Variants in FOCAD observed in about 807,000 individuals in gnomAD.
The protein encoded by FOCAD is KIAA1797.
In FOCAD, 198 loss-of-function variants were observed where a neutral mutation model predicts 225.6. That is an observed-to-expected ratio of 0.88 (90% CI 0.78 to 0.99). The LOEUF is 0.99. FOCAD is among the 50% of genes least tolerant of loss of function. FOCAD has a pLI of 0.00. For synonymous variants in FOCAD, 897 were observed against 755.0 expected, an observed-to-expected ratio of 1.19 and a Z score of -3.08; for missense variants, 2,713 against 2,123.6, an observed-to-expected ratio of 1.28 and a Z score of -5.46.
intron 35 of FOCAD, among the ~76,000 whole-genome samples, chr9:20,955,619 C>T (rs943531429): frequency 2.7e-5 from 4 of 149,596 alleles, no homozygotes; most frequent in African/African-American, 7.4e-5. Context: ...AATCTTTTGT[C>T]GTCATTATTA....
In FOCAD at chr9:20,740,354, C is replaced by CTT; in HGVS notation, c.392+15_392+16insTT. The CTT allele has an allele frequency of 7.2e-7, 1 of 1,387,106 alleles. No homozygotes were observed. Among genetic ancestry groups the CTT allele is most frequent in the Non-Finnish European group, 9.8e-7 (1 of 1,020,458 alleles). The allele number at this position is 1,387,106 out of a possible 1,614,324, so 85.9% of individuals were successfully genotyped here. On this transcript the variant is annotated intron_variant, in intron 5 of 43. Transcript: ENST00000338382. The stretch of plus-strand genomic sequence containing the variant: ...ATATACCATTAGGTAAGCCTTTTTT[C>CTT]TGTTTTTTTTTTAAACAAATATGAA...
chr9:20,838,989 A>G (rs1808386565), intron 15 of FOCAD, among the ~76,000 whole-genome samples: 1 of 152,122 alleles, frequency 6.6e-6, no homozygotes, highest in African/African-American at 2.4e-5. Flanking sequence ...TGTGTTATGT[A>G]CAGTAGCCAG....
At chr9:20,779,335 A>G (rs940957008) in intron 9 of FOCAD, among the ~76,000 whole-genome samples, 11 of 152,252 alleles carry the variant, frequency 7.2e-5, no homozygotes, top group East Asian at 1.9e-4. Context: ...TGGCTTTTAC[A>G]TTGGTGCTGC....
intron 15 of FOCAD, among the ~76,000 whole-genome samples, chr9:20,834,110 T>G (rs1825762028): frequency 6.6e-6 from 1 of 152,126 alleles, no homozygotes; most frequent in African/African-American, 2.4e-5. Context: ...TCAGGAATAC[T>G]GTGCAGTCAT....
upstream of FOCAD, among the ~76,000 whole-genome samples, chr9:20,657,146 C>T (rs556407986): frequency 0.013 from 1,993 of 152,138 alleles, 17 homozygotes; most frequent in Admixed American, 0.029. Flanking sequence ...CCGAGAGATC[C>T]GCTGTTAGTC....
intron 21 of FOCAD, among the ~76,000 whole-genome samples, chr9:20,904,907 C>T (rs190630520): frequency 6.6e-6 from 1 of 152,040 alleles, no homozygotes; most frequent in Non-Finnish European, 1.5e-5. Flanking sequence ...GCAACATTAA[C>T]CTAAAATATA....
chr9:20,698,021 C>CT (rs1347783229), intron 1 of FOCAD, among the ~76,000 whole-genome samples: 6 of 152,288 alleles, frequency 3.9e-5, no homozygotes, highest in Non-Finnish European at 7.4e-5. Flanking sequence ...TCAAGTGAGA[C>CT]TTTTTTTGCC....
intron 8 of FOCAD, among the ~76,000 whole-genome samples, chr9:20,771,716 C>T (rs1203440585): frequency 1.3e-5 from 2 of 152,210 alleles, no homozygotes; most frequent in African/African-American, 4.8e-5. Flanking sequence ...GATTGTGCCA[C>T]TGCACTCCAG....
At chr9:20,765,656 G>T (rs1368687096) in intron 7 of FOCAD, among the ~76,000 whole-genome samples, 1 of 152,186 alleles carries the variant, frequency 6.6e-6, no homozygotes, top group Admixed American at 6.5e-5. Context: ...ATGAAAGGTG[G>T]TTAACAGAGG....
intron 13 of FOCAD, 98 bp downstream of exon 13, chr9:20,820,523 T>G (rs1824207321): frequency 2.0e-6 from 2 of 978,272 alleles, no homozygotes; most frequent in Admixed American, 2.3e-5. Context: ...TTTAGTGGTA[T>G]TAATGAGTGG....
chr9:20,711,597 T>C (rs1824856561), intron 1 of FOCAD, among the ~76,000 whole-genome samples: 1 of 152,158 alleles, frequency 6.6e-6, no homozygotes, highest in Non-Finnish European at 1.5e-5. Context: ...TCTGAGGTGC[T>C]GGAAAGAAGG....
intron 25 of FOCAD, among the ~76,000 whole-genome samples, chr9:20,926,010 C>T (rs1834903571): frequency 1.3e-5 from 2 of 152,144 alleles, no homozygotes; most frequent in South Asian, 4.1e-4. Flanking sequence ...TCATTCAACG[C>T]AGGAGAGCTC....
chr9:20,950,871 T>C lies in FOCAD; in HGVS notation c.3949-125T>C, dbSNP rs1280044763. 1.4e-4 allele frequency: 101 copies of C among 737,508 alleles called. 1 individual carries two copies. The East Asian group carries it at 2.4e-3, about 18-fold the overall frequency. The allele number at this position is 737,508 out of a possible 1,614,324, so 45.7% of individuals were successfully genotyped here. A position where few individuals can be genotyped will look rare whatever the true frequency, so the allele number is the denominator to read the frequency against. ...AGACACATGATATTACATCTTGTCA[T>C]AGGACTGCTCGTTGCCAGCCAAGCC... On this transcript the variant is annotated intron_variant, in intron 33 of 43. Transcript: ENST00000338382.
intron 7 of FOCAD, among the ~76,000 whole-genome samples, chr9:20,768,461 A>G (rs1830253789): frequency 6.6e-6 from 1 of 151,894 alleles, no homozygotes; most frequent in Non-Finnish European, 1.5e-5. Flanking sequence ...ACCCATGAGC[A>G]TGGAATGTTC....
intron 23 of FOCAD, among the ~76,000 whole-genome samples, chr9:20,916,045 G>A (rs1173406677): frequency 1.3e-5 from 2 of 152,248 alleles, no homozygotes; most frequent in Non-Finnish European, 2.9e-5. Flanking sequence ...TCTCTTAAGA[G>A]TGACTCATTC....
chr9:20,761,292 G>T (rs1829571234), intron 6 of FOCAD, among the ~76,000 whole-genome samples: 2 of 152,148 alleles, frequency 1.3e-5, no homozygotes, highest in Non-Finnish European at 2.9e-5. Context: ...TTTAGGCTGG[G>T]TTACTTTAAG....
intron 1 of FOCAD, among the ~76,000 whole-genome samples, chr9:20,692,397 C>T (rs1188264558): frequency 6.6e-6 from 1 of 152,126 alleles, no homozygotes; most frequent in Non-Finnish European, 1.5e-5. Context: ...TTGTCACTAC[C>T]CACTGCTATC....
At chr9:20,699,071 T>A (rs1441983001) in intron 1 of FOCAD, among the ~76,000 whole-genome samples, 1 of 152,182 alleles carries the variant, frequency 6.6e-6, no homozygotes, top group Non-Finnish European at 1.5e-5. Flanking sequence ...TAAAGTTCCC[T>A]ATGAAATTAG....
At chr9:20,813,927 A>G (rs1390761545) in intron 11 of FOCAD, among the ~76,000 whole-genome samples, 1 of 152,178 alleles carries the variant, frequency 6.6e-6, no homozygotes, top group Non-Finnish European at 1.5e-5. Context: ...TTGCATATAT[A>G]TAATTATCGT....
Sources: gnomAD v4.1 joint callset for allele counts (sites outside exome capture counted in the v4.1 genomes callset) on GRCh38, gnomAD v4.1.1 for gene constraint, MANE v1.5 for transcripts, NCBI Gene and HGNC (gene_info 2026-07-23, HGNC 2026-07-21) for gene names.